CDYL: variants seen among roughly 807,000 people sequenced by gnomAD.
CDYL encodes the protein chromodomain Y like.
Under a neutral mutation model 47.3 loss-of-function variants are expected in CDYL, and 8 were observed. The ratio of observed to expected loss-of-function variants is 0.17; its 90% CI spans 0.10 to 0.31. The LOEUF is 0.31. CDYL is among the 10% of genes least tolerant of loss of function. The probability of loss-of-function intolerance (pLI) is 1.00; values close to 1 mark genes in which losing one functional copy is unlikely to be tolerated. For missense variants in CDYL, 471 were observed against 701.4 expected (o/e 0.67, Z 3.71); for synonymous variants, 266 against 265.0 (o/e 1.00, Z -0.04).
intron 1 of CDYL, among the ~76,000 whole-genome samples, chr6:4,709,707 T>C (rs10046230): frequency 1 from 152,255 of 152,324 alleles, 76,094 homozygotes; most frequent in Non-Finnish European, 1. Context: ...TACCCTTAAG[T>C]CAGCTTTCAT....
chr6:4,918,932 A>T (rs747871838), intron 2 of CDYL, among the ~76,000 whole-genome samples: 1 of 152,194 alleles, frequency 6.6e-6, no homozygotes, highest in Non-Finnish European at 1.5e-5. Flanking sequence ...TGAAGATTAA[A>T]ATTGACACAG....
At chr6:4,947,679 G>A (rs1406326969) in intron 5 of CDYL, among the ~76,000 whole-genome samples, 3 of 152,102 alleles carry the variant, frequency 2.0e-5, no homozygotes, top group Non-Finnish European at 2.9e-5. Context: ...CACTCCCCTC[G>A]TCACAAGGTG....
intron 2 of CDYL, among the ~76,000 whole-genome samples, chr6:4,911,589 T>C (rs1223628054): frequency 6.6e-6 from 1 of 152,154 alleles, no homozygotes; most frequent in Non-Finnish European, 1.5e-5. Flanking sequence ...CCACTTTTGG[T>C]ATTGGTTCTA....
At chr6:4,842,460 C>T (rs1052282521) in intron 1 of CDYL, among the ~76,000 whole-genome samples, 11 of 151,552 alleles carry the variant, frequency 7.3e-5, no homozygotes, top group African/African-American at 2.4e-4. Flanking sequence ...GTGTTAGGTG[C>T]GTATATATTT....
chr6:4,744,960 A>G (rs531101844), intron 3 of CDYL, among the ~76,000 whole-genome samples: 1 of 152,084 alleles, frequency 6.6e-6, no homozygotes, highest in South Asian at 2.1e-4. Context: ...TCAGACATAC[A>G]TTTCTTTTCT....
chr6:4,772,868 C>T (rs944192265), upstream of CDYL: 5 of 338,126 alleles, frequency 1.5e-5, no homozygotes, highest in Non-Finnish European at 2.9e-5. Context: ...ATAGTAGTAG[C>T]TAGATTTTGG....
At chr6:4,926,700 A>T (rs1156425289) in intron 2 of CDYL, among the ~76,000 whole-genome samples, 1 of 152,226 alleles carries the variant, frequency 6.6e-6, no homozygotes, top group African/African-American at 2.4e-5. Context: ...GAATTATTCT[A>T]TGTCTCTCTC....
intron 1 of CDYL, chr6:4,836,217 C>G: frequency 3.5e-5 from 34 of 973,436 alleles, no homozygotes; most frequent in Non-Finnish European, 4.0e-5. Context: ...ATTCGGCCAT[C>G]TTGGCTCCTC....
chr6:4,749,479 A>G (rs375752082), intron 3 of CDYL, among the ~76,000 whole-genome samples: 1 of 23,860 alleles, frequency 4.2e-5, no homozygotes. Flanking sequence ...TGGATGGATG[A>G]ATGGATGGAT....
chr6:4,793,266 C>T (rs1051708590), intron 1 of CDYL, among the ~76,000 whole-genome samples: 5 of 152,184 alleles, frequency 3.3e-5, no homozygotes, highest in African/African-American at 7.2e-5. Context: ...CGGGCATGAC[C>T]GCTCAGCCAC....
chr6:4,737,489 C>G (rs947463460), intron 3 of CDYL, among the ~76,000 whole-genome samples: 6 of 151,518 alleles, frequency 4.0e-5, no homozygotes, highest in African/African-American at 1.2e-4. Context: ...CCCGTGTCTA[C>G]TAAAAATACA....
chr6:4,875,865 A>G (rs1761607095), intron 1 of CDYL, among the ~76,000 whole-genome samples: 1 of 152,220 alleles, frequency 6.6e-6, no homozygotes, highest in South Asian at 2.1e-4. Context: ...TTTTTGAAAC[A>G]TTTTAAAGTA....
intron 2 of CDYL, among the ~76,000 whole-genome samples, chr6:4,932,761 C>T (rs1758068014): frequency 6.6e-6 from 1 of 152,192 alleles, no homozygotes; most frequent in Non-Finnish European, 1.5e-5. Context: ...ATCTGCACAG[C>T]ATTGTTTCTG....
intron 2 of CDYL, among the ~76,000 whole-genome samples, chr6:4,926,110 G>C (rs1397640236): frequency 6.6e-6 from 1 of 152,184 alleles, no homozygotes; most frequent in Non-Finnish European, 1.5e-5. Flanking sequence ...AGAACTGGAA[G>C]TGAAGGAGTT....
At chr6:4,864,157 G>T (rs776463994) in intron 1 of CDYL, among the ~76,000 whole-genome samples, 6 of 152,138 alleles carry the variant, frequency 3.9e-5, no homozygotes, top group Admixed American at 6.5e-5. Context: ...TGTAAAATAT[G>T]ATTCAAGAAA....
At position 4,776,751 on chromosome 6, in the gene CDYL, C is replaced by T. The variant is rs1220232495; in HGVS notation, c.-33C>T. On this transcript the variant is annotated 5_prime_UTR_variant, in exon 1 of 7. Coordinates refer to ENST00000397588, the MANE Select transcript of CDYL (RefSeq NM_004824.4). ...CCCGGCGCCGGCGCCCGCCCCGACCCTGCCCCTCCCGCCCGCAACTCCGCC... is the reference window on the plus strand; with the variant it reads ...CCCGGCGCCGGCGCCCGCCCCGACCTTGCCCCTCCCGCCCGCAACTCCGCC... 4 of 1,090,044 alleles carry T rather than the reference C, an allele frequency of 3.7e-6. No individual in the cohort carries two copies. The highest frequency in any genetic ancestry group is 4.9e-6 in the Non-Finnish European group (4 of 822,060). 67.5% of individuals were successfully genotyped at this position (1,090,044 alleles called of 1,614,324 possible). A position where few individuals can be genotyped will look rare whatever the true frequency, so the allele number is the denominator to read the frequency against.
intron 3 of CDYL, among the ~76,000 whole-genome samples, chr6:4,738,376 C>T (rs1369380531): frequency 1.5e-5 from 2 of 134,306 alleles, no homozygotes; most frequent in Non-Finnish European, 3.1e-5. Flanking sequence ...GAGACTCTGT[C>T]TCAGAAAAGT....
At chr6:4,745,558 A>T (rs905395612) in intron 3 of CDYL, among the ~76,000 whole-genome samples, 4 of 149,784 alleles carry the variant, frequency 2.7e-5, no homozygotes, top group African/African-American at 9.9e-5. Flanking sequence ...CCTGGCCAAC[A>T]TAGTGAAACC....
chr6:4,733,417 TAA>T (rs1413651919), intron 2 of CDYL, among the ~76,000 whole-genome samples: 46 of 118,832 alleles, frequency 3.9e-4, no homozygotes, highest in African/African-American at 1.7e-3. Context: ...GTGACTCAGA[TAA>T]AGTAAAAAAA....
Sources: allele counts gnomAD v4.1 joint callset (sites outside exome capture counted in the v4.1 genomes callset), GRCh38; gene constraint gnomAD v4.1.1; transcripts MANE v1.5; gene names NCBI Gene and HGNC (gene_info 2026-07-23, HGNC 2026-07-21).